The following CTNND2 variants were observed in gnomAD, a reference collection of about 807,000 sequenced individuals.
The protein encoded by CTNND2 is catenin delta-2.
Under a neutral mutation model 144.4 loss-of-function variants are expected in CTNND2, and 22 were observed. The observed-to-expected ratio is 0.15, with a 90% CI of 0.11 to 0.22. CTNND2 has a LOEUF of 0.22. CTNND2 is among the 10% of genes least tolerant of loss of function. The pLI is 1.00. For missense variants in CTNND2, 1,353 were observed against 1,618.8 expected, an observed-to-expected ratio of 0.84 and a Z score of 2.82; for synonymous variants, 751 against 695.6, an observed-to-expected ratio of 1.08 and a Z score of -1.25.
At chr5:11,532,415 T>A (rs191084778) in intron 3 of CTNND2, among the ~76,000 whole-genome samples, 1 of 150,978 alleles carries the variant, frequency 6.6e-6, no homozygotes, top group African/African-American at 2.4e-5. Flanking sequence ...ACATAAGATA[T>A]TTAATTTCCA....
At chr5:11,684,108 TA>T (rs1179750297) in intron 2 of CTNND2, among the ~76,000 whole-genome samples, 4 of 151,924 alleles carry the variant, frequency 2.6e-5, no homozygotes, top group Non-Finnish European at 5.9e-5. Context: ...TTTTATTTTT[TA>T]TTTTTTTTTT....
intron 2 of CTNND2, among the ~76,000 whole-genome samples, chr5:11,708,457 G>A (rs75694814): frequency 0.023 from 3,431 of 152,274 alleles, 49 homozygotes; most frequent in East Asian, 0.058. Flanking sequence ...ATATTGGAGA[G>A]ATCTGAGTAG....
In CTNND2 at chr5:11,777,010, TTGTTAAAAAATACTCA is replaced by T. The variant is rs529750591; in HGVS notation, c.38-44754_38-44739del. On this transcript the variant is annotated intron_variant, in intron 1 of 21. Coordinates refer to ENST00000304623, the MANE Select transcript of CTNND2 (RefSeq NM_001332.4). ...AAAGGATAATCTATTGGGTGACTAC[TTGTTAAAAAATACTCA>T]TGTTAATTAAGTAATTCTCAATAAA... 4.4e-3 allele frequency among the ~76,000 whole-genome samples: 669 copies of T among 152,342 alleles called. 2 individuals are homozygous for T. The highest frequency in any genetic ancestry group is 7.9e-3 in the Non-Finnish European group (538 of 68,022).
chr5:11,879,152 C>T (rs1735785065), intron 1 of CTNND2, among the ~76,000 whole-genome samples: 1 of 151,648 alleles, frequency 6.6e-6, no homozygotes, highest in African/African-American at 2.4e-5. Flanking sequence ...GTACTCGGGA[C>T]AGATGTGTCT....
At chr5:11,094,174 C>T (rs1297186076) in intron 15 of CTNND2, among the ~76,000 whole-genome samples, 1 of 152,170 alleles carries the variant, frequency 6.6e-6, no homozygotes, top group Non-Finnish European at 1.5e-5. Context: ...GGAAGCAGCG[C>T]TTCTCATAAG....
intron 3 of CTNND2, among the ~76,000 whole-genome samples, chr5:11,530,231 G>A (rs1053289468): frequency 4.6e-5 from 7 of 151,974 alleles, no homozygotes; most frequent in African/African-American, 1.7e-4. Context: ...CATAATGAGT[G>A]TACCAACCAA....
chr5:11,662,046 T>C (rs560766707), intron 2 of CTNND2, among the ~76,000 whole-genome samples: 148 of 144,618 alleles, frequency 1.0e-3, no homozygotes, highest in South Asian at 2.9e-3. Flanking sequence ...CACACACACA[T>C]ATATATACAT....
chr5:11,742,419 AAAC>A (rs1415195947), intron 1 of CTNND2, among the ~76,000 whole-genome samples: 5 of 152,116 alleles, frequency 3.3e-5, no homozygotes, highest in Non-Finnish European at 7.4e-5. Context: ...CACACCAAAC[AAAC>A]AAGAGAACCC....
intron 15 of CTNND2, among the ~76,000 whole-genome samples, chr5:11,097,573 A>C (rs570651121): frequency 6.6e-6 from 1 of 152,280 alleles, no homozygotes; most frequent in South Asian, 2.1e-4. Flanking sequence ...GTAGTAATGG[A>C]AACAAAGGAT....
intron 18 of CTNND2, among the ~76,000 whole-genome samples, chr5:10,998,012 TTAGAC>T: frequency 6.6e-6 from 1 of 152,340 alleles, no homozygotes; most frequent in East Asian, 1.9e-4. Flanking sequence ...TTCATGATGT[TTAGAC>T]TATACTGCAA....
chr5:11,144,500 C>T (rs1223650785), intron 12 of CTNND2, among the ~76,000 whole-genome samples: 1 of 152,128 alleles, frequency 6.6e-6, no homozygotes, highest in Non-Finnish European at 1.5e-5. Flanking sequence ...GGATCTGTCA[C>T]ATGCTCTCCT....
At chr5:10,978,497 G>C (rs868523863) in intron 21 of CTNND2, among the ~76,000 whole-genome samples, 3 of 133,836 alleles carry the variant, frequency 2.2e-5, no homozygotes, top group Non-Finnish European at 3.2e-5. Flanking sequence ...ATACTTTTTG[G>C]GGAGGGGGGG....
chr5:11,159,555 C>A, intron 12 of CTNND2, 21 bp downstream of exon 12: 1 of 1,573,406 alleles, frequency 6.4e-7, no homozygotes, highest in South Asian at 1.2e-5. Context: ...TGGGAGGAGG[C>A]ACTCGTGACA....
chr5:11,018,194 T>A, intron 17 of CTNND2, 136 bp from the exon 18 acceptor site: 4 of 623,956 alleles, frequency 6.4e-6, no homozygotes, highest in Non-Finnish European at 1.2e-5. Flanking sequence ...CTCCCTGATA[T>A]TACTACTGTA....
At chr5:11,697,768 T>C (rs193192588) in intron 2 of CTNND2, among the ~76,000 whole-genome samples, 304 of 152,284 alleles carry the variant, frequency 2.0e-3, no homozygotes, top group African/African-American at 6.9e-3. Flanking sequence ...GTGAATGAAT[T>C]TGGGGTACAA....
intron 2 of CTNND2, among the ~76,000 whole-genome samples, chr5:11,606,090 A>G (rs113535706): frequency 4.5e-4 from 68 of 152,318 alleles, no homozygotes; most frequent in African/African-American, 1.6e-3. Flanking sequence ...ATGCAAAGCC[A>G]AAGATGGAGG....
Position 11,641,696 on chromosome 5 carries a change from A to G in CTNND2, c.175-76640T>C, listed in dbSNP as rs182418839. 5.8e-3 allele frequency among the ~76,000 whole-genome samples: 735 copies of G among 126,466 alleles called. 12 individuals are homozygous for G. Among genetic ancestry groups the G allele is most frequent in the African/African-American group, 0.016 (514 of 31,576 alleles). 83.0% of individuals were successfully genotyped at this position (126,466 alleles called of 152,430 possible). A position where few individuals can be genotyped will look rare whatever the true frequency, so the allele number is the denominator to read the frequency against. On this transcript the variant is annotated intron_variant, in intron 2 of 21. Transcript: ENST00000304623. ...TGTGTATATACATATACGTGTGTGTATATACATATACGTGTGTGTATACAT... is the reference window on the plus strand; with the variant it reads ...TGTGTATATACATATACGTGTGTGTGTATACATATACGTGTGTGTATACAT...
intron 3 of CTNND2, among the ~76,000 whole-genome samples, chr5:11,452,603 A>T (rs1361292192): frequency 6.6e-6 from 1 of 152,206 alleles, no homozygotes; most frequent in Non-Finnish European, 1.5e-5. Flanking sequence ...AAAAATCAAA[A>T]TACAGATAGA....
chr5:11,386,449 C>A (rs1452595857), intron 6 of CTNND2, among the ~76,000 whole-genome samples: 2 of 152,188 alleles, frequency 1.3e-5, no homozygotes, highest in East Asian at 3.9e-4. Context: ...ATAGACTGGG[C>A]ACTTTCACTG....
Sources: allele counts gnomAD v4.1 joint callset (sites outside exome capture counted in the v4.1 genomes callset), GRCh38; gene constraint gnomAD v4.1.1; transcripts MANE v1.5; gene names NCBI Gene and HGNC (gene_info 2026-07-23, HGNC 2026-07-21).